The following KPNA6 variants were observed in gnomAD, a reference collection of about 807,000 sequenced individuals.
The protein encoded by KPNA6 is karyopherin subunit alpha 6, also known as importin subunit alpha-7.
A neutral mutation model predicts 72.0 loss-of-function variants in KPNA6; 9 were observed. That is an observed-to-expected ratio of 0.13 (90% CI 0.08 to 0.22). KPNA6 has a LOEUF of 0.22. Among genes scored for constraint, KPNA6 ranks in the 10% least tolerant of loss-of-function variants. The pLI is 1.00. For missense variants in KPNA6, 374 were observed against 655.7 expected (o/e 0.57, Z 4.69); for synonymous variants, 219 against 242.1 (o/e 0.90, Z 0.89).
At chr1:32,148,759 A>G (rs1054227339) in intron 1 of KPNA6, among the ~76,000 whole-genome samples, 1 of 151,434 alleles carries the variant, frequency 6.6e-6, no homozygotes, top group Non-Finnish European at 1.5e-5. Flanking sequence ...GGGTTTCACC[A>G]TATTGGCCAG....
intron 1 of KPNA6, among the ~76,000 whole-genome samples, chr1:32,123,890 TG>T (rs1350381583): frequency 1.3e-5 from 2 of 151,562 alleles, no homozygotes; most frequent in East Asian, 3.9e-4. Context: ...AAAAATTAGC[TG>T]GGCGTGGTGG....
At chr1:32,141,488 C>T (rs770508068) in intron 1 of KPNA6, among the ~76,000 whole-genome samples, 20 of 145,994 alleles carry the variant, frequency 1.4e-4, no homozygotes, top group Non-Finnish European at 2.2e-4. Flanking sequence ...ACCTCCGCCT[C>T]CCATGTTCAA....
In KPNA6 at chr1:32,176,080, G is replaced by C. The variant is rs1642523298; in HGVS notation, c.*5186G>C. 6.6e-6 allele frequency: 1 copy of C among 152,038 alleles called. No homozygotes were observed. The highest frequency in any genetic ancestry group is 2.4e-5 in the African/African-American group (1 of 41,386). 9.4% of individuals were successfully genotyped at this position (152,038 alleles called of 1,614,324 possible). A position where few individuals can be genotyped will look rare whatever the true frequency, so the allele number is the denominator to read the frequency against. On this transcript the variant is annotated 3_prime_UTR_variant, in exon 14 of 14. Coordinates refer to ENST00000373625, the MANE Select transcript of KPNA6 (RefSeq NM_012316.5). Reference sequence around the variant, plus strand: ...AAGATTGTGCCAGCCTGGGCGACAGGGTGAGGCTCTTGTCTCAAAAAAAAA... The same window carrying C: ...AAGATTGTGCCAGCCTGGGCGACAGCGTGAGGCTCTTGTCTCAAAAAAAAA...
chr1:32,129,888 G>A (rs774149221), intron 1 of KPNA6, among the ~76,000 whole-genome samples: 4 of 152,098 alleles, frequency 2.6e-5, no homozygotes, highest in South Asian at 2.1e-4. Context: ...CTCCTTCCAG[G>A]AAACAACAAA....
At position 32,162,414 on chromosome 1, in the gene KPNA6, C is replaced by T; in HGVS notation, c.801C>T (p.Asp267=). The T allele has an allele frequency of 6.2e-7, 1 of 1,613,878 alleles. No homozygotes were observed. The part of the protein sequence containing the change: ...LSRLLFSSDS[D]LLADACWALS... Reference sequence around the variant, plus strand: ...GCCTACTCTTCAGCAGCGACTCGGACTTGCTGGCAGATGCTTGCTGGGCCC... The same window carrying T: ...GCCTACTCTTCAGCAGCGACTCGGATTTGCTGGCAGATGCTTGCTGGGCCC... Residue 267 remains aspartate (D), a synonymous_variant, in exon 9 of 14, where the codon GAC becomes GAT. Transcript: ENST00000373625.
chr1:32,159,389 C>G lies in KPNA6; in HGVS notation c.427-11C>G. ...AATGACCTTTCAATCATTGCTTAAT[C>G]TCACTTTCAGTTTGAAGCTGCCTGG... is the stretch of plus-strand genomic sequence containing the variant. On this transcript the variant is annotated splice_polypyrimidine_tract_variant and intron_variant, in intron 5 of 13. Coordinates refer to ENST00000373625, the MANE Select transcript of KPNA6 (RefSeq NM_012316.5). The G allele has an allele frequency of 6.2e-7, 1 of 1,613,574 alleles. No homozygotes were observed. Among genetic ancestry groups the G allele is most frequent in the Non-Finnish European group, 8.5e-7 (1 of 1,179,708 alleles).
intron 11 of KPNA6, among the ~76,000 whole-genome samples, 163 bp downstream of exon 11, chr1:32,166,393 G>A (rs1400450623): frequency 6.6e-6 from 1 of 152,110 alleles, no homozygotes; most frequent in African/African-American, 2.4e-5. Flanking sequence ...TTGGGAGGCC[G>A]AGGTGGGCAG....
intron 1 of KPNA6, among the ~76,000 whole-genome samples, chr1:32,154,092 A>G (rs1642089170): frequency 6.6e-6 from 1 of 151,994 alleles, no homozygotes; most frequent in African/African-American, 2.4e-5. Flanking sequence ...GGTTGCAGTG[A>G]GTCGATACCG....
At chr1:32,111,430 A>C (rs1331391029) in intron 1 of KPNA6, among the ~76,000 whole-genome samples, 4 of 152,204 alleles carry the variant, frequency 2.6e-5, no homozygotes, top group Non-Finnish European at 5.9e-5. Flanking sequence ...TTTAGCCTAG[A>C]GTCAGGTAAC....
intron 1 of KPNA6, among the ~76,000 whole-genome samples, chr1:32,109,166 A>T (rs2124516560): frequency 6.6e-6 from 1 of 152,194 alleles, no homozygotes; most frequent in East Asian, 1.9e-4. Context: ...CCTAGTTTGT[A>T]ACTGCTGTTT....
chr1:32,144,906 A>G (rs1300997795), intron 1 of KPNA6, among the ~76,000 whole-genome samples: 1 of 151,494 alleles, frequency 6.6e-6, no homozygotes, highest in Non-Finnish European at 1.5e-5. Context: ...TCAGCCTCCC[A>G]AAGTGTTGGA....
chr1:32,164,048 C>T (rs1372088623), intron 10 of KPNA6, among the ~76,000 whole-genome samples: 3 of 152,322 alleles, frequency 2.0e-5, no homozygotes, highest in Middle Eastern at 3.4e-3. Context: ...ACACATTAAA[C>T]AGTAACTCCC....
chr1:32,160,400 C>T (rs1237413150), intron 6 of KPNA6, among the ~76,000 whole-genome samples: 1 of 151,904 alleles, frequency 6.6e-6, no homozygotes, highest in Non-Finnish European at 1.5e-5. Flanking sequence ...GGCAGCCTGT[C>T]TTTCCCTGCT....
chr1:32,120,124 A>C (rs115279238), intron 1 of KPNA6, among the ~76,000 whole-genome samples: 1 of 152,190 alleles, frequency 6.6e-6, no homozygotes, highest in African/African-American at 2.4e-5. Flanking sequence ...TTTGAGGCCA[A>C]ATATAGCCTG....
At chr1:32,159,650 G>T in intron 6 of KPNA6, 119 bp downstream of exon 6, 1 of 1,148,992 alleles carries the variant, frequency 8.7e-7, no homozygotes, top group East Asian at 2.6e-5. Flanking sequence ...TGAGTGATAG[G>T]GGTGTCAAGT....
At chr1:32,138,114 G>A (rs1318331183) in intron 1 of KPNA6, among the ~76,000 whole-genome samples, 1 of 146,028 alleles carries the variant, frequency 6.8e-6, no homozygotes, top group Non-Finnish European at 1.5e-5. Flanking sequence ...TAGCCTGGAT[G>A]ACAAGAGTGA....
At chr1:32,148,097 A>G (rs1291788425) in intron 1 of KPNA6, among the ~76,000 whole-genome samples, 1 of 151,906 alleles carries the variant, frequency 6.6e-6, no homozygotes, top group Non-Finnish European at 1.5e-5. Context: ...ATGTGTCTCA[A>G]TGTGGATATT....
Position 32,159,471 on chromosome 1 carries a change from A to G in KPNA6, c.498A>G (p.Ala166=). 6.2e-7 allele frequency: 1 copy of G among 1,614,178 alleles called. No homozygotes were observed. Among genetic ancestry groups the G allele is most frequent in the Non-Finnish European group, 8.5e-7 (1 of 1,180,006 alleles). Residue 166 remains alanine, a synonymous_variant, in exon 6 of 14, where the codon GCA becomes GCG. Coordinates refer to ENST00000373625, the MANE Select transcript of KPNA6 (RefSeq NM_012316.5). ...TSQQTKIVIE[A]GAVPIFIELL... is the part of the protein sequence containing the mutation. Reference sequence around the variant, plus strand: ...AGCAGACCAAAATTGTCATTGAAGCAGGGGCTGTCCCCATTTTTATAGAGC... The same window carrying G: ...AGCAGACCAAAATTGTCATTGAAGCGGGGGCTGTCCCCATTTTTATAGAGC...
At chr1:32,125,082 C>T (rs1039077594) in intron 1 of KPNA6, among the ~76,000 whole-genome samples, 14 of 152,096 alleles carry the variant, frequency 9.2e-5, no homozygotes, top group African/African-American at 3.4e-4. Flanking sequence ...TGAGCTCAGG[C>T]AATCCACCCG....
Sources: gnomAD v4.1 joint callset for allele counts (sites outside exome capture counted in the v4.1 genomes callset) on GRCh38, gnomAD v4.1.1 for gene constraint, MANE v1.5 for transcripts, NCBI Gene and HGNC (gene_info 2026-07-23, HGNC 2026-07-21) for gene names.